The following ZDHHC11 variants were observed in gnomAD, a reference collection of about 807,000 sequenced individuals.
ZDHHC11 encodes zDHHC palmitoyltransferase 11.
ZDHHC11 carries 44 observed loss-of-function variants against 51.3 expected under a neutral mutation model. That is an observed-to-expected ratio of 0.86 (90% CI 0.67 to 1.10). The LOEUF is 1.10. Ranked by LOEUF, ZDHHC11 falls within the 50% of genes least tolerant of loss-of-function variation. The pLI, the probability that ZDHHC11 is intolerant of heterozygous loss-of-function variation, is 0.00. For synonymous variants in ZDHHC11, 163 were observed against 222.0 expected, an observed-to-expected ratio of 0.73 and a Z score of 2.36; for missense variants, 400 against 537.7, an observed-to-expected ratio of 0.74 and a Z score of 2.53.
chr5:816,563 G>A (rs540699849), intron 10 of ZDHHC11: 10 of 597,244 alleles, frequency 1.7e-5, no homozygotes, highest in African/African-American at 1.3e-4. Context: ...ATACAAATAC[G>A]TGGAGAATTT....
At chr5:839,624 A>C (rs1316786703) in intron 5 of ZDHHC11, 1 of 149,590 alleles carries the variant, frequency 6.7e-6, no homozygotes, top group East Asian at 1.9e-4. Context: ...ATGAACAAGG[A>C]GGCTCTTGGT....
intron 4 of ZDHHC11, chr5:840,943 C>T (rs1744759576): frequency 7.3e-7 from 1 of 1,379,116 alleles, no homozygotes; most frequent in Non-Finnish European, 9.4e-7. Context: ...GGTCACAGCG[C>T]CCACCCCTTG....
intron 10 of ZDHHC11, chr5:817,056 A>G (rs1420789415): frequency 1.1e-5 from 2 of 187,712 alleles, no homozygotes; most frequent in Non-Finnish European, 2.3e-5. Flanking sequence ...GGGGAGATAA[A>G]AATAACTTAA....
At chr5:844,941 T>G (rs763270708) in intron 3 of ZDHHC11, among the ~76,000 whole-genome samples, 10 of 152,426 alleles carry the variant, frequency 6.6e-5, no homozygotes, top group African/African-American at 2.4e-4. Flanking sequence ...TCTGCCATGA[T>G]GATATTTTTT....
chr5:828,997 T>C (rs1454636327), intron 7 of ZDHHC11, among the ~76,000 whole-genome samples: 1 of 128,494 alleles, frequency 7.8e-6, no homozygotes, highest in African/African-American at 2.9e-5. Flanking sequence ...ACAGCAAAAG[T>C]GATGTTTAAA....
At position 825,214 on chromosome 5, in the gene ZDHHC11, A is replaced by T. The variant is rs2335583; in HGVS notation, c.973T>A (p.Leu325Ile). The T allele has an allele frequency of 7.8e-5, 125 of 1,612,162 alleles. 3 individuals are homozygous for T. In the African/African-American group the frequency reaches 1.4e-3, roughly 18 times the overall value. The change falls in exon 8 of 13, where the codon TTA (leucine) becomes ATA (isoleucine). Residue 325 changes from leucine (L) to isoleucine (I), a missense_variant. By Grantham distance (5) the Leu-to-Ile change is conservative. This residue lies in a region of ZDHHC11 where 231 missense variants were observed against 227.4 expected (regional missense o/e 1.02). Coordinates refer to ENST00000283441, the MANE Select transcript of ZDHHC11 (RefSeq NM_024786.3). ...TTTACTGAAGTGCAGAAGTGACATA[A>T]GTGCTTGTGAATCAGCAGGGAGCTC... ...AKSSLLIHKHLCHFCTSVNQD... is the reference protein window; with the variant it reads ...AKSSLLIHKHICHFCTSVNQD...
At chr5:834,480 C>A (rs1366305943) in intron 6 of ZDHHC11, among the ~76,000 whole-genome samples, 3 of 152,242 alleles carry the variant, frequency 2.0e-5, no homozygotes, top group African/African-American at 7.2e-5. Context: ...AGCCCTCTTG[C>A]CCATTTGAAA....
chr5:857,419 AG>A (rs1260437052), intron 1 of ZDHHC11, among the ~76,000 whole-genome samples: 2 of 152,110 alleles, frequency 1.3e-5, no homozygotes, highest in African/African-American at 4.8e-5. Flanking sequence ...CCACCCTATC[AG>A]GTCTTTAAGA....
chr5:840,748 G>T (rs1442798026), intron 4 of ZDHHC11, 98 bp from the exon 5 acceptor site: 31 of 1,582,788 alleles, frequency 2.0e-5, no homozygotes, highest in Non-Finnish European at 2.5e-5. Flanking sequence ...ATGGGGCGGT[G>T]TGGGGACAGC....
At chr5:806,564 A>G (rs1322857662) in intron 11 of ZDHHC11, among the ~76,000 whole-genome samples, 1 of 151,338 alleles carries the variant, frequency 6.6e-6, no homozygotes, top group East Asian at 1.9e-4. Context: ...TCTGGTTTCT[A>G]GAATGGTATA....
intron 3 of ZDHHC11, 56 bp downstream of exon 3, chr5:847,458 C>A: frequency 6.6e-7 from 1 of 1,525,580 alleles, no homozygotes; most frequent in Non-Finnish European, 8.9e-7. Context: ...CAGACCCCTC[C>A]CTTCCAAATT....
intron 3 of ZDHHC11, 91 bp downstream of exon 3, chr5:847,423 C>T: frequency 6.4e-7 from 1 of 1,552,352 alleles, no homozygotes; most frequent in Non-Finnish European, 8.8e-7. Flanking sequence ...ACCCTCCACC[C>T]TTTCAACACG....
Position 856,920 on chromosome 5 carries a change from C to T in ZDHHC11, c.-1+1954G>A, listed in dbSNP as rs962999634. On this transcript the variant is annotated intron_variant, in intron 1 of 3. Transcript: ENST00000685990. ...CACCAAACCACACACCACACACACA[C>T]CAAACCACACACCACCGAGCACACC... Among the ~76,000 whole-genome samples the T allele has an allele frequency of 3.0e-4, 45 of 151,176 alleles. 1 individual carries two copies. Among genetic ancestry groups the T allele is most frequent in the African/African-American group, 1.1e-3 (44 of 41,094 alleles).
In ZDHHC11 at chr5:844,926, G is replaced by A. The variant is rs547223635; in HGVS notation, c.504-1202C>T. Among the ~76,000 whole-genome samples the A allele has an allele frequency of 7.2e-5, 11 of 152,420 alleles. No individual in the cohort carries two copies. The South Asian group carries it at 2.1e-3, about 29-fold the overall frequency. On this transcript the variant is annotated intron_variant, in intron 3 of 12. Coordinates refer to ENST00000283441, the MANE Select transcript of ZDHHC11 (RefSeq NM_024786.3). ...ACTTTGACTAAACCATCTTCCCTTGGTCTTTCTGCCATGATGATATTTTTT... is the reference window on the plus strand; with the variant it reads ...ACTTTGACTAAACCATCTTCCCTTGATCTTTCTGCCATGATGATATTTTTT...
At chr5:823,635 AC>A (rs1741855641) in intron 8 of ZDHHC11, 1 of 169,950 alleles carries the variant, frequency 5.9e-6, no homozygotes. Flanking sequence ...CCCGATGTGA[AC>A]AATGAACGAC....
intron 3 of ZDHHC11, among the ~76,000 whole-genome samples, chr5:844,147 T>C (rs57803813): frequency 0.11 from 16,221 of 147,870 alleles, 1,113 homozygotes; most frequent in African/African-American, 0.27. Context: ...CCTCAAACCC[T>C]GCTCCCGACC....
intron 11 of ZDHHC11, among the ~76,000 whole-genome samples, chr5:807,399 G>A (rs561019350): frequency 9.2e-5 from 14 of 151,446 alleles, no homozygotes; most frequent in Admixed American, 5.3e-4. Context: ...GCAAGGACTT[G>A]GAATAGGGGC....
At chr5:803,303 T>C (rs1407325760) in intron 11 of ZDHHC11, among the ~76,000 whole-genome samples, 26 of 151,370 alleles carry the variant, frequency 1.7e-4, no homozygotes, top group Admixed American at 7.2e-4. Flanking sequence ...GCAGCATCCC[T>C]TGGAAGATTT....
intron 7 of ZDHHC11, among the ~76,000 whole-genome samples, chr5:827,744 TA>T (rs1358403206): frequency 2.0e-5 from 3 of 150,308 alleles, no homozygotes; most frequent in South Asian, 2.1e-4. Flanking sequence ...TTTTATTCTT[TA>T]TTTTTTTTTT....
Sources: gnomAD v4.1 joint callset for allele counts (sites outside exome capture counted in the v4.1 genomes callset) on GRCh38, gnomAD v4.1.1 for gene constraint, gnomAD v4.1.1 regional missense constraint, MANE v1.5 for transcripts, NCBI Gene and HGNC (gene_info 2026-07-23, HGNC 2026-07-21) for gene names.